The following FRMPD4 variants were observed in gnomAD, a reference collection of about 807,000 sequenced individuals.
FRMPD4 encodes FERM and PDZ domain-containing protein 4.
Under a neutral mutation model 94.1 loss-of-function variants are expected in FRMPD4, and 22 were observed. The ratio of observed to expected loss-of-function variants is 0.23; its 90% CI spans 0.17 to 0.33. The LOEUF (loss-of-function observed/expected upper bound fraction) is 0.33, where lower values mean the gene tolerates loss of function less well. Ranked by LOEUF, FRMPD4 falls within the 10% of genes least tolerant of loss-of-function variation. The probability of loss-of-function intolerance (pLI) is 1.00; values close to 1 mark genes in which losing one functional copy is unlikely to be tolerated. For missense variants in FRMPD4, 1,111 were observed against 1,339.9 expected, an observed-to-expected ratio of 0.83 and a Z score of 2.67; for synonymous variants, 631 against 548.6, an observed-to-expected ratio of 1.15 and a Z score of -2.10.
At chrX:12,156,397 C>T (rs766235702) in intron 1 of FRMPD4, among the ~76,000 whole-genome samples, 26 of 111,576 alleles carry the variant, frequency 2.3e-4, no homozygotes, top group Non-Finnish European at 4.1e-4. Flanking sequence ...GTTGGTTAGG[C>T]AACCAAGAGC....
At chrX:12,090,590 G>C (rs2055145877) in intron 3 of FRMPD4, among the ~76,000 whole-genome samples, 1 of 110,900 alleles carries the variant, frequency 9.0e-6, no homozygotes, top group African/African-American at 3.3e-5. Flanking sequence ...GGGCTAGTCA[G>C]AATGGGGGAT....
chrX:12,417,328 C>G (rs775678995), intron 1 of FRMPD4, among the ~76,000 whole-genome samples: 12 of 110,926 alleles, frequency 1.1e-4, no homozygotes, highest in African/African-American at 3.6e-4. Context: ...CCTGTAATCC[C>G]AGCACTTTGG....
At chrX:12,410,122 A>C (rs1184103146) in intron 1 of FRMPD4, among the ~76,000 whole-genome samples, 3 of 111,003 alleles carry the variant, frequency 2.7e-5, no homozygotes, top group Non-Finnish European at 5.7e-5. Context: ...TTGTTTTATC[A>C]GTTTCTGACA....
At chrX:12,437,668 G>A (rs73436755) in intron 1 of FRMPD4, among the ~76,000 whole-genome samples, 1,987 of 111,825 alleles carry the variant, frequency 0.018, 50 homozygotes, top group African/African-American at 0.061. Context: ...TTACTGCTGT[G>A]ATAAGAAATC....
chrX:12,532,527 T>C (rs975255156), intron 2 of FRMPD4, among the ~76,000 whole-genome samples: 24 of 112,236 alleles, frequency 2.1e-4, no homozygotes, highest in African/African-American at 7.8e-4. Context: ...TGTGACTTGG[T>C]TACCGAGACG....
chrX:12,371,323 C>T (rs1392200203), intron 1 of FRMPD4, among the ~76,000 whole-genome samples: 1 of 112,606 alleles, frequency 8.9e-6, no homozygotes, highest in African/African-American at 3.2e-5. Flanking sequence ...ATAGCCCAGC[C>T]AGTTTATCTG....
chrX:11,899,502 G>C (rs1003352096), intron 3 of FRMPD4, among the ~76,000 whole-genome samples: 2 of 110,287 alleles, frequency 1.8e-5, no homozygotes, highest in Non-Finnish European at 3.8e-5. Flanking sequence ...CTCTCATAGA[G>C]AGAAGGATTA....
At chrX:12,326,333 T>C (rs2055287316) in intron 1 of FRMPD4, among the ~76,000 whole-genome samples, 1 of 111,677 alleles carries the variant, frequency 9.0e-6, no homozygotes, top group Non-Finnish European at 1.9e-5. Context: ...CACTGAGGAG[T>C]TGGACCACAA....
intron 1 of FRMPD4, among the ~76,000 whole-genome samples, chrX:12,387,516 G>A (rs1376855528): frequency 9.0e-6 from 1 of 111,610 alleles, no homozygotes; most frequent in African/African-American, 3.3e-5. Flanking sequence ...TTTTTAATAA[G>A]GTGTCACGAT....
chrX:11,894,529 G>T (rs191542153), intron 3 of FRMPD4, among the ~76,000 whole-genome samples: 26 of 112,231 alleles, frequency 2.3e-4, no homozygotes, highest in Non-Finnish European at 1.7e-4. Flanking sequence ...CTGCACATTG[G>T]AATGTCTTGG....
chrX:11,960,365 G>C (rs910823876), intron 3 of FRMPD4, among the ~76,000 whole-genome samples: 1 of 111,574 alleles, frequency 9.0e-6, no homozygotes, highest in Non-Finnish European at 1.9e-5. Flanking sequence ...CATCATGTTC[G>C]CTCTGTCATT....
intron 4 of FRMPD4, among the ~76,000 whole-genome samples, chrX:12,622,005 A>AT (rs2059298629): frequency 2.0e-5 from 1 of 50,271 alleles, no homozygotes; most frequent in Non-Finnish European, 3.4e-5. Flanking sequence ...AAAGAAAGAA[A>AT]GAAAGAAAGA....
intron 2 of FRMPD4, among the ~76,000 whole-genome samples, chrX:12,514,836 T>TGGC (rs765717137): frequency 8.9e-6 from 1 of 112,112 alleles, no homozygotes; most frequent in Non-Finnish European, 1.9e-5. Flanking sequence ...TAAATCCGTC[T>TGGC]GGCCCTGGGC....
chrX:12,504,042 A>G (rs17255928), intron 2 of FRMPD4, among the ~76,000 whole-genome samples: 39,606 of 111,028 alleles, frequency 0.36, 5,495 homozygotes, highest in East Asian at 0.73. Context: ...GCAGACACCA[A>G]TTTCCTACTT....
chrX:12,318,644 G>A, intron 1 of FRMPD4, among the ~76,000 whole-genome samples: 2 of 111,978 alleles, frequency 1.8e-5, no homozygotes, highest in South Asian at 7.4e-4. Context: ...TGGAGATGAA[G>A]ACGAGTTAGT....
intron 1 of FRMPD4, among the ~76,000 whole-genome samples, chrX:12,212,416 C>T (rs1025490645): frequency 1.8e-5 from 2 of 110,368 alleles, no homozygotes; most frequent in Admixed American, 9.7e-5. Context: ...GAATGCAATG[C>T]GGACCTAATG....
intron 3 of FRMPD4, among the ~76,000 whole-genome samples, chrX:11,892,306 G>C (rs2147322480): frequency 8.9e-6 from 1 of 112,233 alleles, no homozygotes; most frequent in Admixed American, 9.4e-5. Flanking sequence ...TCACAGAAAA[G>C]AGTAAACTGG....
rs1157799720 is a variant in FRMPD4, at chrX:12,721,525, G to A, written c.4956G>A (p.Gln1652=). 2 of 752,605 alleles carry A rather than the reference G, an allele frequency of 2.7e-6. No homozygotes were observed. Among genetic ancestry groups the A allele is most frequent in the East Asian group, 3.0e-4 (2 of 6,590 alleles). The allele number at this position is 752,605 out of a possible 1,213,427, so 62.0% of individuals were successfully genotyped here. ...AACTGTTATCCATTGAGTCCAGACA[G>A]TTGGGAAGTGCCTGTAGGAAAATGG... The part of the protein sequence containing the change: ...YKQLLSIESR[Q]LGSACRKMAM... Residue 1652 remains glutamine (Q), a synonymous_variant, in exon 17 of 17, where the codon CAG becomes CAA. Transcript: ENST00000675598.
At chrX:12,494,265 T>C (rs1449840499) in intron 1 of FRMPD4, among the ~76,000 whole-genome samples, 2 of 111,896 alleles carry the variant, frequency 1.8e-5, no homozygotes, top group East Asian at 5.6e-4. Context: ...TGAGGGGCTG[T>C]CCTGTGTGTT....
Sources: allele counts gnomAD v4.1 joint callset (sites outside exome capture counted in the v4.1 genomes callset), GRCh38; gene constraint gnomAD v4.1.1; transcripts MANE v1.5; gene names NCBI Gene and HGNC (gene_info 2026-07-23, HGNC 2026-07-21).